Variants in FIRRM observed in about 807,000 individuals in gnomAD.
FIRRM encodes FIGNL1 interacting regulator of recombination and mitosis.
At chr1:169,817,377 C>A in the FIRRM span, among the ~76,000 whole-genome samples, 1 of 152,186 alleles carries the variant, frequency 6.6e-6, no homozygotes, top group South Asian at 2.1e-4. Context: ...AGCCTTAGGG[C>A]AGCCTCTGTT....
At chr1:169,801,050 C>G in the FIRRM span, 2 of 702,114 alleles carry the variant, frequency 2.8e-6, no homozygotes, top group South Asian at 3.8e-5. Context: ...AATTATGGCT[C>G]TCTTTTTCTA....
the FIRRM span, chr1:169,830,313 G>A: frequency 6.2e-7 from 1 of 1,613,756 alleles, no homozygotes; most frequent in South Asian, 1.1e-5. Context: ...CTCTTTGTTA[G>A]CTATGGATGC....
chr1:169,812,953 A>G, the FIRRM span, among the ~76,000 whole-genome samples: 1 of 152,218 alleles, frequency 6.6e-6, no homozygotes, highest in African/African-American at 2.4e-5. Context: ...ATAAGGGTCA[A>G]AATGAGGGAT....
At chr1:169,801,422 G>C in the FIRRM span, among the ~76,000 whole-genome samples, 2 of 129,380 alleles carry the variant, frequency 1.5e-5, 1 homozygote, top group South Asian at 4.8e-4. Flanking sequence ...TCCAGCCTGG[G>C]CAATAAGAGC....
At chr1:169,831,880 C>A in the FIRRM span, among the ~76,000 whole-genome samples, 4 of 152,176 alleles carry the variant, frequency 2.6e-5, no homozygotes, top group African/African-American at 9.7e-5. Context: ...CCTCACCCTG[C>A]TGAGTAGCTG....
chr1:169,799,709 G>A, the FIRRM span, among the ~76,000 whole-genome samples: 58 of 152,010 alleles, frequency 3.8e-4, no homozygotes, highest in Admixed American at 1.4e-3. Flanking sequence ...GCTTCACCAC[G>A]CCTGGCTAAT....
chr1:169,793,318 A>G, the FIRRM span: 10 of 1,614,038 alleles, frequency 6.2e-6, no homozygotes, highest in African/African-American at 1.2e-4. Flanking sequence ...ATAACTTAAC[A>G]TGCTGGAAAC....
chr1:169,846,461 A>G, the FIRRM span, among the ~76,000 whole-genome samples: 1 of 152,176 alleles, frequency 6.6e-6, no homozygotes, highest in African/African-American at 2.4e-5. Flanking sequence ...TCTTCTTCCA[A>G]TAGAATGGTG....
the FIRRM span, chr1:169,827,741 GTCT>G: frequency 2.5e-6 from 4 of 1,614,110 alleles, no homozygotes; most frequent in South Asian, 1.1e-5. Context: ...TTTCCACAAT[GTCT>G]TCTTCTGGTT....
the FIRRM span, among the ~76,000 whole-genome samples, chr1:169,814,036 T>G: frequency 6.6e-6 from 1 of 152,234 alleles, no homozygotes; most frequent in South Asian, 2.1e-4. Context: ...TACAATTTGA[T>G]TTTTTACTTA....
the FIRRM span, among the ~76,000 whole-genome samples, chr1:169,809,931 TA>T: frequency 3.9e-4 from 59 of 152,276 alleles, 1 homozygote; most frequent in Middle Eastern, 3.4e-3. Flanking sequence ...TTAAACTGGG[TA>T]AGGGATTATA....
chr1:169,852,765 G>T, the FIRRM span: 1 of 1,609,488 alleles, frequency 6.2e-7, no homozygotes, highest in Non-Finnish European at 8.5e-7. Flanking sequence ...TGGATATTGT[G>T]ATATTACTTA....
the FIRRM span, among the ~76,000 whole-genome samples, chr1:169,829,706 TTAAG>T: frequency 1.6e-4 from 25 of 152,282 alleles, 1 homozygote; most frequent in South Asian, 4.4e-3. Context: ...TATGTAGTAC[TTAAG>T]TAAGTTTCAA....
chr1:169,821,604 T>C, the FIRRM span: 2 of 1,082,672 alleles, frequency 1.8e-6, no homozygotes, highest in African/African-American at 1.6e-5. Flanking sequence ...GAAAATATTG[T>C]CTCATTTGTA....
the FIRRM span, among the ~76,000 whole-genome samples, chr1:169,811,669 T>TAGATAATCTAAATAGATAATAGAC: frequency 1.7e-4 from 26 of 148,970 alleles, no homozygotes; most frequent in African/African-American, 5.9e-4. Context: ...GATAGATAGA[T>TAGATAATCTAAATAGATAATAGAC]AGATAATCTA....
the FIRRM span, among the ~76,000 whole-genome samples, chr1:169,821,098 G>A: frequency 6.6e-6 from 1 of 152,100 alleles, no homozygotes; most frequent in African/African-American, 2.4e-5. Flanking sequence ...AATGGTAAAA[G>A]AAAGTGCTTG....
At chr1:169,792,562 C>A in the FIRRM span, 1 of 1,499,650 alleles carries the variant, frequency 6.7e-7, no homozygotes, top group South Asian at 1.4e-5. Flanking sequence ...ATTTTGGATA[C>A]TCAGTGAATG....
chr1:169,785,131 C>A, the FIRRM span, among the ~76,000 whole-genome samples: 1 of 152,148 alleles, frequency 6.6e-6, no homozygotes, highest in Non-Finnish European at 1.5e-5. Flanking sequence ...GTTCTCTGGC[C>A]CCCCTCGCAG....
the FIRRM span, chr1:169,837,202 G>T: frequency 1.1e-6 from 1 of 939,856 alleles, no homozygotes; most frequent in South Asian, 2.8e-5. Flanking sequence ...TTAATAAGAT[G>T]CACACACTCT....
Sources: allele counts gnomAD v4.1 joint callset (sites outside exome capture counted in the v4.1 genomes callset), GRCh38; gene constraint gnomAD v4.1.1; transcripts MANE v1.5; gene names NCBI Gene and HGNC (gene_info 2026-07-23, HGNC 2026-07-21).